The following OR51E2 variants were observed in gnomAD, a reference collection of about 807,000 sequenced individuals.
The protein encoded by OR51E2 is olfactory receptor 51E2.
A neutral mutation model predicts 13.7 loss-of-function variants in OR51E2; 14 were observed. The ratio of observed to expected loss-of-function variants is 1.02; its 90% CI spans 0.68 to 1.60. The LOEUF (loss-of-function observed/expected upper bound fraction) is 1.60. Among genes scored for constraint, OR51E2 ranks in the 40% most tolerant of loss-of-function variants. OR51E2 has a pLI of 0.00. For synonymous variants in OR51E2, 180 were observed against 157.6 expected, an observed-to-expected ratio of 1.14 and a Z score of -1.07; for missense variants, 483 against 413.8, an observed-to-expected ratio of 1.17 and a Z score of -1.45.
At position 4,682,234 on chromosome 11, in the gene OR51E2, G is replaced by A. The variant is rs1172835106; in HGVS notation, c.478C>T (p.Leu160=). Residue 160 remains leucine (L), a synonymous_variant, in exon 2 of 2, where the codon CTG becomes TTG. Transcript: ENST00000396950. ...RGSLFFFPLP[L]LIKRLAFCHS... is the part of the protein sequence containing the mutation. Reference sequence around the variant, plus strand: ...CAGAAGGCCAGCCGCTTGATCAGCAGAGGCAGTGGGAAAAAAAAGAGGGAT... The same window carrying A: ...CAGAAGGCCAGCCGCTTGATCAGCAAAGGCAGTGGGAAAAAAAAGAGGGAT... The A allele has an allele frequency of 6.2e-7, 1 of 1,614,054 alleles. No homozygotes were observed. The highest frequency in any genetic ancestry group is 1.3e-5 in the African/African-American group (1 of 74,920).
rs778069468 is a variant in OR51E2 at position 4,682,038 on chromosome 11, A to T, written c.674T>A (p.Leu225Gln). 1 of 1,614,272 alleles carries T rather than the reference A, an allele frequency of 6.2e-7. No homozygotes were observed. Among genetic ancestry groups the T allele is most frequent in the East Asian group, 2.2e-5 (1 of 44,890 alleles). ...CCGCTCTGACTTGGAAGGCAGTTGC[A>T]GAACCGTTCGTATTATCAGAAAATA... Reference protein sequence around the residue: ...LSYFLIIRTVLQLPSKSERAK... With the variant: ...LSYFLIIRTVQQLPSKSERAK... The change falls in exon 2 of 2, where the codon CTG (leucine) becomes CAG (glutamine). Residue 225 changes from leucine (L) to glutamine (Q), a missense_variant. Transcript: ENST00000396950.
chr11:4,682,411 A>G lies in OR51E2; in HGVS notation c.301T>C (p.Phe101Leu). Residue 101 changes from phenylalanine to leucine, a missense_variant, in exon 2 of 2, where the codon TTC becomes CTC. Coordinates refer to ENST00000396950, the MANE Select transcript of OR51E2 (RefSeq NM_030774.4). ...ISFEACLTQM[F>L]FIHALSAIES... The stretch of plus-strand genomic sequence containing the variant: ...ATGGCTGAGAGGGCATGAATAAAGA[A>G]CATCTGGGTAAGACAGGCCTCAAAG... 2 of 1,614,198 alleles carry G rather than the reference A, an allele frequency of 1.2e-6. No individual in the cohort carries two copies. The highest frequency in any genetic ancestry group is 1.7e-6 in the Non-Finnish European group (2 of 1,180,034).
At position 4,682,494 on chromosome 11, in the gene OR51E2, G is replaced by C; in HGVS notation, c.218C>G (p.Ser73Cys). The C allele has an allele frequency of 6.2e-7, 1 of 1,614,242 alleles. No homozygotes were observed. The highest frequency in any genetic ancestry group is 1.1e-5 in the South Asian group (1 of 91,090). The change falls in exon 2 of 2, where the codon TCC (serine) becomes TGC (cysteine). Residue 73 changes from serine (S) to cysteine (C), a missense_variant. Physicochemically the swap from Ser to Cys is moderately radical, Grantham distance 112 (BLOSUM62 -1). Coordinates refer to ENST00000396950, the MANE Select transcript of OR51E2 (RefSeq NM_030774.4). ...CMLAAIDLAL[S>C]TSTMPKILAL... is the part of the protein sequence containing the mutation. ...AAGGATCTTAGGCATGGTGGATGTG[G>C]ATAAGGCCAGGTCAATGGCTGCAAG...
chr11:4,696,807 G>T (rs1847661479), intron 1 of OR51E2, among the ~76,000 whole-genome samples: 1 of 152,214 alleles, frequency 6.6e-6, no homozygotes, highest in East Asian at 1.9e-4. Flanking sequence ...ATAGCTTGTG[G>T]CTGTCTTAAT....
intron 1 of OR51E2, among the ~76,000 whole-genome samples, chr11:4,684,123 C>T (rs780320901): frequency 4.6e-5 from 7 of 152,178 alleles, no homozygotes; most frequent in Non-Finnish European, 7.3e-5. Flanking sequence ...ACTGGATTCT[C>T]CCCATCTTGG....
intron 1 of OR51E2, chr11:4,691,460 G>A (rs1406678491): frequency 2.2e-6 from 1 of 456,726 alleles, no homozygotes; most frequent in South Asian, 1.6e-5. Context: ...TCAGCATGGT[G>A]ACCAGAGTGG....
intron 1 of OR51E2, among the ~76,000 whole-genome samples, chr11:4,694,053 A>T (rs1008479762): frequency 6.6e-6 from 1 of 152,150 alleles, no homozygotes; most frequent in Non-Finnish European, 1.5e-5. Flanking sequence ...CTGAGTTGTA[A>T]TTTTTGTCAT....
At chr11:4,687,180 C>T (rs1205466264) in intron 1 of OR51E2, among the ~76,000 whole-genome samples, 1 of 152,064 alleles carries the variant, frequency 6.6e-6, no homozygotes, top group Non-Finnish European at 1.5e-5. Context: ...CCTGTAGCTT[C>T]TCTGGATTTT....
chr11:4,687,552 T>C (rs1405145809), intron 1 of OR51E2, among the ~76,000 whole-genome samples: 1 of 152,216 alleles, frequency 6.6e-6, no homozygotes, highest in African/African-American at 2.4e-5. Flanking sequence ...ATAAAAGAAC[T>C]TTGTTATCTT....
intron 1 of OR51E2, 131 bp from the exon 2 acceptor site, chr11:4,682,892 G>C: frequency 1.6e-6 from 1 of 609,038 alleles, no homozygotes; most frequent in Non-Finnish European, 2.8e-6. Flanking sequence ...AGGCGGGACT[G>C]TGACAGATCA....
chr11:4,686,872 A>G (rs1244336874), intron 1 of OR51E2, among the ~76,000 whole-genome samples: 2 of 151,818 alleles, frequency 1.3e-5, no homozygotes, highest in African/African-American at 4.8e-5. Context: ...CCAATTTCCT[A>G]TAGATGGAAG....
chr11:4,693,748 T>C (rs1326639631), intron 1 of OR51E2, among the ~76,000 whole-genome samples: 4 of 152,008 alleles, frequency 2.6e-5, no homozygotes, highest in Non-Finnish European at 5.9e-5. Flanking sequence ...AACAAAAAAC[T>C]GTTGAGCAAC....
At chr11:4,694,109 C>A (rs1319055073) in intron 1 of OR51E2, among the ~76,000 whole-genome samples, 1 of 152,172 alleles carries the variant, frequency 6.6e-6, no homozygotes, top group Admixed American at 6.5e-5. Flanking sequence ...AATTAAATTG[C>A]TATTTGAATA....
rs144303719 is a variant in OR51E2, at chr11:4,682,511, G to T, written c.201C>A (p.Ala67=). Residue 67 remains alanine, a synonymous_variant, in exon 2 of 2, where the codon GCC becomes GCA. Coordinates refer to ENST00000396950, the MANE Select transcript of OR51E2 (RefSeq NM_030774.4). ...PMYLFLCMLA[A]IDLALSTSTM... is the part of the protein sequence containing the mutation. ...TGGATGTGGATAAGGCCAGGTCAAT[G>T]GCTGCAAGCATGCAGAGAAAGAGGT... 1.3e-3 allele frequency: 2,046 copies of T among 1,614,214 alleles called. 6 individuals are homozygous for T. In the Middle Eastern group the frequency reaches 0.014, roughly 11 times the overall value.
At chr11:4,692,979 C>T (rs1423110408) in intron 1 of OR51E2, among the ~76,000 whole-genome samples, 2 of 152,052 alleles carry the variant, frequency 1.3e-5, no homozygotes, top group African/African-American at 4.8e-5. Context: ...CTGAAATTTA[C>T]AGTAATGACA....
chr11:4,693,707 G>A (rs1935370232), intron 1 of OR51E2, among the ~76,000 whole-genome samples: 1 of 152,082 alleles, frequency 6.6e-6, no homozygotes, highest in South Asian at 2.1e-4. Flanking sequence ...GGGCGACAGA[G>A]CGAGACTCCG....
chr11:4,693,187 C>T (rs1332451135), intron 1 of OR51E2, among the ~76,000 whole-genome samples: 1 of 152,164 alleles, frequency 6.6e-6, no homozygotes, highest in Non-Finnish European at 1.5e-5. Context: ...ACAATGCATA[C>T]ATGTATAACA....
At chr11:4,692,077 TA>T (rs565967182) in intron 1 of OR51E2, 36 of 412,366 alleles carry the variant, frequency 8.7e-5, no homozygotes, top group African/African-American at 1.5e-4. Flanking sequence ...TAAATTGTGC[TA>T]AAGAGGTAGT....
chr11:4,682,894 G>T (rs911239666), intron 1 of OR51E2, 133 bp from the exon 2 acceptor site: 1 of 606,932 alleles, frequency 1.6e-6, no homozygotes, highest in East Asian at 2.8e-5. Context: ...GCGGGACTGT[G>T]ACAGATCAAA....
Sources: allele counts gnomAD v4.1 joint callset (sites outside exome capture counted in the v4.1 genomes callset), GRCh38; gene constraint gnomAD v4.1.1; transcripts MANE v1.5; gene names NCBI Gene and HGNC (gene_info 2026-07-23, HGNC 2026-07-21).